PPP2R5A: variants seen among roughly 807,000 people sequenced by gnomAD.
The protein encoded by PPP2R5A is protein phosphatase 2 regulatory subunit B'alpha.
In PPP2R5A, 25 loss-of-function variants were observed where a neutral mutation model predicts 64.2. That is an observed-to-expected ratio of 0.39 (90% confidence interval 0.28 to 0.54). The LOEUF is 0.54. Ranked by LOEUF, PPP2R5A falls within the 20% of genes least tolerant of loss-of-function variation. PPP2R5A has a pLI of 0.67. For synonymous variants in PPP2R5A, 198 were observed against 201.2 expected, an observed-to-expected ratio of 0.98 and a Z score of 0.13; for missense variants, 425 against 576.3, an observed-to-expected ratio of 0.74 and a Z score of 2.69.
intron 1 of PPP2R5A, among the ~76,000 whole-genome samples, chr1:212,301,344 GT>G (rs1448053458): frequency 2.6e-5 from 4 of 152,182 alleles, no homozygotes; most frequent in African/African-American, 9.7e-5. Context: ...AATAGCAGTA[GT>G]TGCGGATATA....
At chr1:212,333,004 C>A (rs992761879) in intron 2 of PPP2R5A, among the ~76,000 whole-genome samples, 1 of 151,594 alleles carries the variant, frequency 6.6e-6, no homozygotes, top group Admixed American at 6.6e-5. Context: ...TGGGCTCAAG[C>A]GATTCTCCTG....
intron 1 of PPP2R5A, among the ~76,000 whole-genome samples, chr1:212,289,715 A>G (rs187045687): frequency 8.9e-4 from 136 of 152,330 alleles, no homozygotes; most frequent in Non-Finnish European, 1.7e-3. Flanking sequence ...AAAGAATGTT[A>G]GTTCCCATTC....
rs760219141 is a variant in PPP2R5A at position 212,345,829 on chromosome 1, T to C, written c.600T>C (p.Asp200=). 4 of 1,607,628 alleles carry C rather than the reference T, an allele frequency of 2.5e-6. No individual in the cohort carries two copies. The East Asian group carries it at 6.7e-5, about 27-fold the overall frequency. ...QQLLELFDSE[D]PRERDFLKTV... is the part of the protein sequence containing the mutation. ...TCCTGGAGCTTTTTGATAGTGAAGA[T>C]CCCAGAGAACGTGACTTCCTGAAGA... Residue 200 remains aspartate, a synonymous_variant, in exon 5 of 13, where the codon GAT becomes GAC. Coordinates refer to ENST00000261461, the MANE Select transcript of PPP2R5A (RefSeq NM_006243.4).
chr1:212,361,821 A>G lies in PPP2R5A; in HGVS notation c.*1051A>G, dbSNP rs1050117728. ...TGTAATGAAAGATCTTCATTGGGGGATTGAGCAGCATTTAATAAAGTCTAT... is the reference window on the plus strand; with the variant it reads ...TGTAATGAAAGATCTTCATTGGGGGGTTGAGCAGCATTTAATAAAGTCTAT... On this transcript the variant is annotated 3_prime_UTR_variant, in exon 13 of 13. Transcript: ENST00000261461. 6.6e-6 allele frequency: 1 copy of G among 152,512 alleles called. No homozygotes were observed. Among genetic ancestry groups the G allele is most frequent in the Non-Finnish European group, 1.5e-5 (1 of 68,018 alleles). The allele number at this position is 152,512 out of a possible 1,614,324, so 9.4% of individuals were successfully genotyped here. A position where few individuals can be genotyped will look rare whatever the true frequency, so the allele number is the denominator to read the frequency against.
At chr1:212,348,083 T>A (rs1659815217) in intron 6 of PPP2R5A, among the ~76,000 whole-genome samples, 1 of 152,226 alleles carries the variant, frequency 6.6e-6, no homozygotes, top group African/African-American at 2.4e-5. Context: ...ATTGTGGTAC[T>A]GACTCTCCTG....
intron 1 of PPP2R5A, among the ~76,000 whole-genome samples, chr1:212,293,854 C>T (rs897683042): frequency 6.6e-6 from 1 of 152,094 alleles, no homozygotes; most frequent in Non-Finnish European, 1.5e-5. Context: ...TGAATGGGAT[C>T]TCAGAAGTCA....
intron 8 of PPP2R5A, among the ~76,000 whole-genome samples, chr1:212,354,177 C>T (rs1318240334): frequency 6.6e-6 from 1 of 151,952 alleles, no homozygotes; most frequent in Non-Finnish European, 1.5e-5. Context: ...GAGCGAGACT[C>T]TGTCTCAAAA....
chr1:212,287,081 A>G (rs866590246), intron 1 of PPP2R5A, among the ~76,000 whole-genome samples: 1 of 152,198 alleles, frequency 6.6e-6, no homozygotes, highest in Non-Finnish European at 1.5e-5. Context: ...GTAGGTTTGT[A>G]CAGGAATTCA....
chr1:212,312,929 AATG>A (rs930587488), intron 1 of PPP2R5A, among the ~76,000 whole-genome samples: 3 of 152,248 alleles, frequency 2.0e-5, no homozygotes, highest in African/African-American at 7.2e-5. Flanking sequence ...ACATTAAAAA[AATG>A]ATTTGTTACA....
chr1:212,310,538 C>T (rs1659009870), intron 1 of PPP2R5A, among the ~76,000 whole-genome samples: 1 of 152,190 alleles, frequency 6.6e-6, no homozygotes, highest in Non-Finnish European at 1.5e-5. Context: ...AGTCGGGGCT[C>T]AGAGCTGGGA....
chr1:212,347,323 A>C, intron 5 of PPP2R5A, 24 bp from the exon 6 acceptor site: 1 of 1,504,370 alleles, frequency 6.6e-7, no homozygotes, highest in South Asian at 1.2e-5. Flanking sequence ...TTTTGATTAC[A>C]TCTTGTCTTT....
rs1553273305 is a variant in PPP2R5A, at chr1:212,297,809, G to GTTTTTTCT, written c.181+11524_181+11525insCTTTTTTT. 7 of 40,430 alleles carry GTTTTTTCT rather than the reference G, an allele frequency of 1.7e-4. 2 individuals are homozygous for GTTTTTTCT. The highest frequency in any genetic ancestry group is 3.1e-4 in the Non-Finnish European group (7 of 22,266). The allele number at this position is 40,430 out of a possible 1,614,324, so 2.5% of individuals were successfully genotyped here. A position where few individuals can be genotyped will look rare whatever the true frequency, so the allele number is the denominator to read the frequency against. On this transcript the variant is annotated intron_variant, in intron 1 of 12. Coordinates refer to ENST00000261461, the MANE Select transcript of PPP2R5A (RefSeq NM_006243.4). ...ACTGAGAAACAAGATGAAGTGAATT[G>GTTTTTTCT]TTTTTTTTTTTTTTTCTTTTTTATT... is the stretch of plus-strand genomic sequence containing the variant.
chr1:212,351,560 A>G (rs551037044), intron 8 of PPP2R5A, among the ~76,000 whole-genome samples: 1 of 152,214 alleles, frequency 6.6e-6, no homozygotes, highest in South Asian at 2.1e-4. Flanking sequence ...CTAAAAATAC[A>G]AAAATTAGCC....
At chr1:212,315,853 CTG>C (rs1158978586) in intron 1 of PPP2R5A, among the ~76,000 whole-genome samples, 4 of 152,158 alleles carry the variant, frequency 2.6e-5, no homozygotes, top group East Asian at 1.9e-4. Context: ...CTTTGTGTCT[CTG>C]TGTCACATTT....
Position 212,340,532 on chromosome 1 carries a change from G to C in PPP2R5A, c.481-1656G>C, listed in dbSNP as rs571446271. Among the ~76,000 whole-genome samples, 17 of 152,246 alleles carry C rather than the reference G, an allele frequency of 1.1e-4. No homozygotes were observed. The East Asian group carries it at 3.1e-3, about 28-fold the overall frequency. The stretch of plus-strand genomic sequence containing the variant: ...GACTTTTCAGAGCGCTCTGTGATCA[G>C]TTTTGTATATCTTTTTGCACGTGTA... On this transcript the variant is annotated intron_variant, in intron 3 of 12. Coordinates refer to ENST00000261461, the MANE Select transcript of PPP2R5A (RefSeq NM_006243.4).
chr1:212,358,237 T>C (rs1660018318), intron 11 of PPP2R5A: 2 of 153,034 alleles, frequency 1.3e-5, no homozygotes, highest in Admixed American at 6.5e-5. Context: ...TCTCAGTGTA[T>C]AGTCTCCCCT....
chr1:212,305,962 C>T (rs1658892807), intron 1 of PPP2R5A, among the ~76,000 whole-genome samples: 1 of 152,108 alleles, frequency 6.6e-6, no homozygotes, highest in Admixed American at 6.5e-5. Context: ...AAATTGAACA[C>T]TTGAACAAAG....
intron 1 of PPP2R5A, among the ~76,000 whole-genome samples, chr1:212,321,763 G>T (rs977047424): frequency 1.3e-5 from 2 of 151,636 alleles, no homozygotes; most frequent in African/African-American, 4.9e-5. Flanking sequence ...AGGCAGAGAC[G>T]CTCCTCACTT....
chr1:212,355,760 C>T (rs1161191355), intron 8 of PPP2R5A, among the ~76,000 whole-genome samples: 3 of 151,870 alleles, frequency 2.0e-5, no homozygotes, highest in Non-Finnish European at 2.9e-5. Context: ...TAGCATTCTT[C>T]TATTGTGATT....
Sources: allele counts gnomAD v4.1 joint callset (sites outside exome capture counted in the v4.1 genomes callset), GRCh38; gene constraint gnomAD v4.1.1; transcripts MANE v1.5; gene names NCBI Gene and HGNC (gene_info 2026-07-23, HGNC 2026-07-21).